Variants in LIMCH1 observed in about 807,000 individuals in gnomAD.
LIMCH1 encodes the protein LIM and calponin homology domains-containing protein 1.
A neutral mutation model predicts 176.5 loss-of-function variants in LIMCH1; 113 were observed. That is an observed-to-expected ratio of 0.64 (90% CI 0.55 to 0.75). LIMCH1 has a LOEUF of 0.75. Ranked by LOEUF, LIMCH1 falls within the 30% of genes least tolerant of loss-of-function variation. The pLI, the probability that LIMCH1 is intolerant of heterozygous loss-of-function variation, is 0.00. For missense variants in LIMCH1, 1,674 were observed against 1,814.9 expected (o/e 0.92, Z 1.41); for synonymous variants, 619 against 645.9 (o/e 0.96, Z 0.63).
At chr4:41,403,383 C>T (rs914299974) in intron 1 of LIMCH1, among the ~76,000 whole-genome samples, 1 of 152,068 alleles carries the variant, frequency 6.6e-6, no homozygotes, top group Non-Finnish European at 1.5e-5. Context: ...GAGTTCAAGA[C>T]CAGCCTGGTC....
intron 1 of LIMCH1, among the ~76,000 whole-genome samples, chr4:41,570,740 G>A (rs2083429654): frequency 6.6e-6 from 1 of 152,188 alleles, no homozygotes; most frequent in Non-Finnish European, 1.5e-5. Flanking sequence ...AGGATGAATG[G>A]CACCGCCCAA....
At chr4:41,579,137 C>T (rs778621798) in intron 1 of LIMCH1, among the ~76,000 whole-genome samples, 1 of 151,382 alleles carries the variant, frequency 6.6e-6, no homozygotes, top group Non-Finnish European at 1.5e-5. Flanking sequence ...TTCTTTTTGC[C>T]AGTCAAGGTG....
At chr4:41,564,637 T>C (rs976171000) in intron 1 of LIMCH1, among the ~76,000 whole-genome samples, 1 of 152,190 alleles carries the variant, frequency 6.6e-6, no homozygotes, top group African/African-American at 2.4e-5. Flanking sequence ...TTAGCATGAC[T>C]GATGTCAGTT....
Position 41,619,369 on chromosome 4 carries a change from A to G in LIMCH1, c.387A>G (p.Lys129=), listed in dbSNP as rs1371912035. 15 of 1,613,976 alleles carry G rather than the reference A, an allele frequency of 9.3e-6. No homozygotes were observed. The highest frequency in any genetic ancestry group is 1.3e-5 in the African/African-American group (1 of 74,920). The change falls in exon 6 of 32, where the codon AAA becomes AAG. Residue 129 remains lysine (K), a synonymous_variant. Transcript: ENST00000503057. The stretch of plus-strand genomic sequence containing the variant: ...TCCCCGCGCCTCTGAGAAAGAAGAA[A>G]GCAGAGAGAGAGGAATACCGCAAGA... ...AYVPAPLRKK[K]AEREEYRKSW...
chr4:41,672,954 A>G (rs1053691334), intron 22 of LIMCH1, among the ~76,000 whole-genome samples: 4 of 152,246 alleles, frequency 2.6e-5, no homozygotes, highest in Non-Finnish European at 2.9e-5. Context: ...CTTAATTGAA[A>G]TAATTATTCA....
chr4:41,526,077 A>G (rs543571154), intron 3 of LIMCH1, among the ~76,000 whole-genome samples: 1 of 152,126 alleles, frequency 6.6e-6, no homozygotes, highest in Admixed American at 6.5e-5. Flanking sequence ...TTGTCTTTAT[A>G]TTATTTCCTA....
chr4:41,589,552 C>T (rs1397170618), intron 1 of LIMCH1, among the ~76,000 whole-genome samples: 2 of 152,156 alleles, frequency 1.3e-5, no homozygotes, highest in Non-Finnish European at 2.9e-5. Flanking sequence ...TGGCATTTGA[C>T]CCCAGACACA....
intron 5 of LIMCH1, among the ~76,000 whole-genome samples, chr4:41,616,880 G>A (rs2092142347): frequency 6.6e-6 from 1 of 152,086 alleles, no homozygotes; most frequent in Non-Finnish European, 1.5e-5. Context: ...TGAAATTTTA[G>A]ACCCTGGTCT....
At chr4:41,670,721 C>T (rs1166794113) in intron 21 of LIMCH1, 20 of 1,535,064 alleles carry the variant, frequency 1.3e-5, no homozygotes, top group Middle Eastern at 1.7e-4. Flanking sequence ...GATCTAGAGT[C>T]GCCTGGCACT....
At chr4:41,655,915 C>G (rs889020795) in intron 18 of LIMCH1, among the ~76,000 whole-genome samples, 1 of 152,098 alleles carries the variant, frequency 6.6e-6, no homozygotes, top group Non-Finnish European at 1.5e-5. Flanking sequence ...AAGACTCCCA[C>G]CCATCGACCC....
At chr4:41,511,224 T>G (rs1033766363) in intron 2 of LIMCH1, among the ~76,000 whole-genome samples, 1 of 152,250 alleles carries the variant, frequency 6.6e-6, no homozygotes, top group Admixed American at 6.5e-5. Flanking sequence ...TTATTGTTCC[T>G]ACAATTCTCT....
intron 1 of LIMCH1, among the ~76,000 whole-genome samples, chr4:41,491,480 G>A (rs1189668788): frequency 5.3e-5 from 8 of 149,610 alleles, no homozygotes; most frequent in South Asian, 2.1e-4. Context: ...GGGCAGAGGC[G>A]CTCCTCACTT....
At chr4:41,559,053 T>G (rs574565350) in intron 1 of LIMCH1, among the ~76,000 whole-genome samples, 1 of 152,312 alleles carries the variant, frequency 6.6e-6, no homozygotes, top group East Asian at 1.9e-4. Flanking sequence ...AAAAAATATT[T>G]TATCTGGTTT....
chr4:41,454,723 C>T (rs1181024125), intron 1 of LIMCH1, among the ~76,000 whole-genome samples: 1 of 152,176 alleles, frequency 6.6e-6, no homozygotes, highest in Non-Finnish European at 1.5e-5. Context: ...GGCACGTCAA[C>T]ATTCACAGCA....
chr4:41,588,133 T>C (rs2086816813), intron 1 of LIMCH1, among the ~76,000 whole-genome samples: 1 of 151,902 alleles, frequency 6.6e-6, no homozygotes, highest in Admixed American at 6.6e-5. Context: ...CCCCTTCCTG[T>C]GTCCATGTGT....
At chr4:41,611,035 G>A (rs2091353691) in intron 4 of LIMCH1, among the ~76,000 whole-genome samples, 1 of 152,208 alleles carries the variant, frequency 6.6e-6, no homozygotes, top group African/African-American at 2.4e-5. Context: ...ATGCTGAACT[G>A]GTAAGTGTAA....
chr4:41,671,628 G>A, intron 22 of LIMCH1, 34 bp downstream of exon 22: 1 of 1,462,682 alleles, frequency 6.8e-7, no homozygotes, highest in Non-Finnish European at 9.6e-7. Flanking sequence ...AAGATTATGA[G>A]TTAGTGTGAT....
upstream of LIMCH1, among the ~76,000 whole-genome samples, chr4:41,533,907 A>G (rs965706269): frequency 1.3e-5 from 2 of 152,108 alleles, no homozygotes; most frequent in African/African-American, 2.4e-5. Flanking sequence ...CATTTGCATT[A>G]TTTGCACTGG....
chr4:41,681,216 A>G (rs1715510759), intron 25 of LIMCH1, among the ~76,000 whole-genome samples, 157 bp downstream of exon 25: 1 of 152,164 alleles, frequency 6.6e-6, no homozygotes, highest in Non-Finnish European at 1.5e-5. Flanking sequence ...ATTGTACCCC[A>G]TTGTTCTATC....
Sources: allele counts gnomAD v4.1 joint callset (sites outside exome capture counted in the v4.1 genomes callset), GRCh38; gene constraint gnomAD v4.1.1; transcripts MANE v1.5; gene names NCBI Gene and HGNC (gene_info 2026-07-23, HGNC 2026-07-21).